FBXO31: variants seen among roughly 807,000 people sequenced by gnomAD.
The protein encoded by FBXO31 is F-box protein 31, also known as F-box only protein 31.
A neutral mutation model predicts 54.4 loss-of-function variants in FBXO31; 24 were observed. That is an observed-to-expected ratio of 0.44 (90% CI 0.32 to 0.62). FBXO31 has a LOEUF of 0.62. Among genes scored for constraint, FBXO31 ranks in the 20% least tolerant of loss-of-function variants. The pLI is 0.05. For missense variants in FBXO31, 665 were observed against 787.1 expected (o/e 0.84, Z 1.86); for synonymous variants, 388 against 335.6 (o/e 1.16, Z -1.71).
intron 2 of FBXO31, among the ~76,000 whole-genome samples, chr16:87,359,184 C>A (rs182289959): frequency 1.3e-5 from 2 of 152,320 alleles, no homozygotes; most frequent in East Asian, 3.9e-4. Context: ...GTGAATTCTC[C>A]GCATTTTGCA....
chr16:87,380,577 T>A (rs1907034392), intron 1 of FBXO31, among the ~76,000 whole-genome samples: 2 of 152,120 alleles, frequency 1.3e-5, no homozygotes, highest in African/African-American at 4.8e-5. Flanking sequence ...TTTGTAGAGA[T>A]GGGTTTTACC....
upstream of FBXO31, chr16:87,391,859 C>G (rs1473179227): frequency 2.0e-5 from 3 of 152,494 alleles, no homozygotes; most frequent in African/African-American, 7.2e-5. Context: ...GCGCCTCAGC[C>G]CCGGGTGCCG....
At chr16:87,351,698 G>T (rs771843962) in intron 2 of FBXO31, among the ~76,000 whole-genome samples, 1 of 152,052 alleles carries the variant, frequency 6.6e-6, no homozygotes, top group Non-Finnish European at 1.5e-5. Flanking sequence ...GTGAAATCCC[G>T]TCTCTACTAA....
chr16:87,370,966 C>T (rs1247318079), intron 1 of FBXO31, among the ~76,000 whole-genome samples: 6 of 152,146 alleles, frequency 3.9e-5, no homozygotes, highest in Non-Finnish European at 8.8e-5. Flanking sequence ...GACATGCCCC[C>T]GGGCTCCAAG....
At chr16:87,350,765 C>T (rs1479056312) in intron 2 of FBXO31, among the ~76,000 whole-genome samples, 1 of 152,122 alleles carries the variant, frequency 6.6e-6, no homozygotes, top group Non-Finnish European at 1.5e-5. Context: ...TCCTCCTATC[C>T]CCTCCCCTCA....
chr16:87,334,759 G>C (rs1361248478), intron 7 of FBXO31, among the ~76,000 whole-genome samples: 2 of 152,228 alleles, frequency 1.3e-5, no homozygotes, highest in Non-Finnish European at 2.9e-5. Context: ...TGTCTGCCAG[G>C]ATCCCCAATA....
intron 1 of FBXO31, chr16:87,389,681 C>G (rs1430577229): frequency 1.3e-5 from 2 of 152,204 alleles, no homozygotes; most frequent in African/African-American, 4.8e-5. Context: ...CTCTTTAAGA[C>G]TTCAAAACTG....
At chr16:87,379,431 G>A (rs1242550634) in intron 1 of FBXO31, among the ~76,000 whole-genome samples, 2 of 152,162 alleles carry the variant, frequency 1.3e-5, no homozygotes, top group African/African-American at 4.8e-5. Flanking sequence ...GTTTACTTAT[G>A]TTGACCAGGA....
chr16:87,373,003 GGGA>G, intron 1 of FBXO31, among the ~76,000 whole-genome samples: 1 of 148,308 alleles, frequency 6.7e-6, no homozygotes. Flanking sequence ...CCAAAGTGCT[GGGA>G]TTACAGGCGT....
At chr16:87,361,811 A>C (rs1334457752) in intron 1 of FBXO31, among the ~76,000 whole-genome samples, 1 of 152,220 alleles carries the variant, frequency 6.6e-6, no homozygotes, top group Non-Finnish European at 1.5e-5. Context: ...GGTGGCTGCT[A>C]CTCAGCAAAC....
chr16:87,343,761 T>A lies in FBXO31; in HGVS notation c.494A>T (p.Asp165Val). 1 of 1,614,156 alleles carries A rather than the reference T, an allele frequency of 6.2e-7. No homozygotes were observed. Among genetic ancestry groups the A allele is most frequent in the Non-Finnish European group, 8.5e-7 (1 of 1,180,020 alleles). Residue 165 changes from aspartate (D) to valine (V), a missense_variant, in exon 4 of 9, where the codon GAC becomes GTC. By Grantham distance (152) the Asp-to-Val change is radical. This residue lies in a region of FBXO31 where 234 missense variants were observed against 346.8 expected (regional missense o/e 0.67). Transcript: ENST00000311635. ...CATCCACCCGATGATGAACAGGCCG[T>A]CCACCTACAGGAGGAGATGGGCAAA... ...PYGGLLNVVV[D>V]GLFIIGWMYL...
chr16:87,359,596 A>C (rs1327247705), intron 2 of FBXO31, among the ~76,000 whole-genome samples: 1 of 152,254 alleles, frequency 6.6e-6, no homozygotes, highest in Non-Finnish European at 1.5e-5. Flanking sequence ...AAAAGAAAAA[A>C]GAAAAGAAGC....
At chr16:87,354,949 A>G (rs968458388) in intron 2 of FBXO31, among the ~76,000 whole-genome samples, 2 of 152,200 alleles carry the variant, frequency 1.3e-5, no homozygotes, top group South Asian at 2.1e-4. Flanking sequence ...CCTGGGTGAC[A>G]CTGGGTGAGA....
chr16:87,345,100 T>C lies in FBXO31; in HGVS notation c.490-1335A>G, dbSNP rs1211295702. 6.6e-6 allele frequency among the ~76,000 whole-genome samples: 1 copy of C among 152,164 alleles called. No individual in the cohort carries two copies. Among genetic ancestry groups the C allele is most frequent in the Non-Finnish European group, 1.5e-5 (1 of 68,024 alleles). On this transcript the variant is annotated intron_variant, in intron 3 of 8. Coordinates refer to ENST00000311635, the MANE Select transcript of FBXO31 (RefSeq NM_024735.5). This position sits in a 1 kb window ranked among gnomAD's most constrained non-coding sequence, Gnocchi z 4.9. Reference sequence around the variant, plus strand: ...CATGCATGCCAGGCCTGGAAGAACCTGTGCAGAGGCCACGGGGAGACAGAC... The same window carrying C: ...CATGCATGCCAGGCCTGGAAGAACCCGTGCAGAGGCCACGGGGAGACAGAC...
At chr16:87,356,212 G>A (rs1234422096) in intron 2 of FBXO31, among the ~76,000 whole-genome samples, 2 of 147,896 alleles carry the variant, frequency 1.4e-5, no homozygotes, top group African/African-American at 2.5e-5. Flanking sequence ...CTGGGTGACA[G>A]AGTGAGACTC....
intron 1 of FBXO31, chr16:87,389,661 A>G (rs1907451786): frequency 6.6e-6 from 1 of 152,230 alleles, no homozygotes; most frequent in African/African-American, 2.4e-5. Flanking sequence ...AGAAAGCAAC[A>G]CAGACTCCAC....
chr16:87,367,260 G>A (rs1906409345), intron 1 of FBXO31: 2 of 152,222 alleles, frequency 1.3e-5, no homozygotes, highest in South Asian at 4.1e-4. Flanking sequence ...ATGTAACATG[G>A]GTTGTCAATC....
At chr16:87,387,137 A>G (rs1157258955), upstream of FBXO31, among the ~76,000 whole-genome samples, 1 of 152,024 alleles carries the variant, frequency 6.6e-6, no homozygotes, top group East Asian at 1.9e-4. Context: ...TACAAAAATA[A>G]TAATAATAGA....
intron 1 of FBXO31, among the ~76,000 whole-genome samples, chr16:87,382,965 T>C (rs1039607100): frequency 6.6e-6 from 1 of 152,134 alleles, no homozygotes; most frequent in Non-Finnish European, 1.5e-5. Context: ...ACCTCGTCTC[T>C]GGTCAGGGCC....
Sources: allele counts gnomAD v4.1 joint callset (sites outside exome capture counted in the v4.1 genomes callset), GRCh38; gene constraint gnomAD v4.1.1; regional missense constraint gnomAD v4.1.1; non-coding constraint Gnocchi (gnomAD v3.1); transcripts MANE v1.5; gene names NCBI Gene and HGNC (gene_info 2026-07-23, HGNC 2026-07-21).